CLCN7: variants seen among roughly 807,000 people sequenced by gnomAD.
The protein encoded by CLCN7 is H(+)/Cl(-) exchange transporter 7.
In CLCN7, 60 loss-of-function variants were observed where a neutral mutation model predicts 102.1. The observed-to-expected ratio is 0.59, with a 90% CI of 0.48 to 0.73. The LOEUF (loss-of-function observed/expected upper bound fraction) is 0.73. CLCN7 is among the 30% of genes least tolerant of loss of function. The pLI is 0.00. For missense variants in CLCN7, 962 were observed against 1,125.7 expected, an observed-to-expected ratio of 0.85 and a Z score of 2.08; for synonymous variants, 560 against 490.5, an observed-to-expected ratio of 1.14 and a Z score of -1.87.
At chr16:1,458,402 A>G (rs1293746784) in intron 7 of CLCN7, among the ~76,000 whole-genome samples, 1 of 152,284 alleles carries the variant, frequency 6.6e-6, no homozygotes, top group Non-Finnish European at 1.5e-5. Flanking sequence ...AAGAAGGTTC[A>G]GGCCAGCCTG....
Position 1,456,920 on chromosome 16 carries a change from G to A in CLCN7, c.822+334C>T, listed in dbSNP as rs144154180. 3.3e-5 allele frequency among the ~76,000 whole-genome samples: 5 copies of A among 152,032 alleles called. No individual in the cohort carries two copies. In the East Asian group the frequency reaches 9.7e-4, roughly 29 times the overall value. On this transcript the variant is annotated intron_variant, in intron 9 of 24. Coordinates refer to ENST00000382745, the MANE Select transcript of CLCN7 (RefSeq NM_001287.6). ...CTGGGGACTTTTTTGGGGAAAAAGT[G>A]TTCCAAAGTGTGTCTTGACAAATAA...
chr16:1,448,492 A>G lies in CLCN7; in HGVS notation c.1884-8T>C. 6.2e-7 allele frequency: 1 copy of G among 1,608,108 alleles called. No homozygotes were observed. Among genetic ancestry groups the G allele is most frequent in the East Asian group, 2.2e-5 (1 of 44,880 alleles). ...GGTGTGCTCATCACCTCCCTGCCGG[A>G]GGAGCCCGGCCACACATGCCCGTCA... On this transcript the variant is annotated splice_region_variant and splice_polypyrimidine_tract_variant and intron_variant, in intron 20 of 24. Transcript: ENST00000382745.
chr16:1,459,289 G>A (rs1022178300), intron 6 of CLCN7, 102 bp from the exon 7 acceptor site: 6 of 995,406 alleles, frequency 6.0e-6, no homozygotes, highest in Admixed American at 2.1e-5. Context: ...CAGCAGACAC[G>A]TCGGGGCCTC....
rs200682842 is a variant in CLCN7 at position 1,448,962 on chromosome 16, G to C, written c.1797+4C>G. On this transcript the variant is annotated splice_donor_region_variant and intron_variant, in intron 19 of 24. Coordinates refer to ENST00000382745, the MANE Select transcript of CLCN7 (RefSeq NM_001287.6). The stretch of plus-strand genomic sequence containing the variant: ...CAGGGTGAGGCTTCGAGGCCCTGGC[G>C]CACCTCAATGAAGACGTCGCCCACG... 11 of 1,612,298 alleles carry C rather than the reference G, an allele frequency of 6.8e-6. No homozygotes were observed. In the Admixed American group the frequency reaches 1.2e-4, roughly 17 times the overall value.
chr16:1,460,094 G>T (rs984376459), intron 6 of CLCN7, among the ~76,000 whole-genome samples: 2 of 151,884 alleles, frequency 1.3e-5, no homozygotes, highest in African/African-American at 2.4e-5. Context: ...CCCAGACACA[G>T]ATCAAGGACG....
intron 16 of CLCN7, among the ~76,000 whole-genome samples, chr16:1,450,881 G>A (rs1190183039): frequency 8.0e-6 from 1 of 125,040 alleles, no homozygotes; most frequent in Non-Finnish European, 1.8e-5. Flanking sequence ...AGGGGAAGAG[G>A]CTCTGCGGGG....
At chr16:1,465,544 C>T (rs1463251611) in intron 1 of CLCN7, among the ~76,000 whole-genome samples, 2 of 152,206 alleles carry the variant, frequency 1.3e-5, no homozygotes, top group African/African-American at 2.4e-5. Flanking sequence ...CCGGCTGCCC[C>T]TCGGCCTGTC....
chr16:1,465,344 A>G lies in CLCN7; in HGVS notation c.142-6T>C. On this transcript the variant is annotated splice_polypyrimidine_tract_variant and splice_region_variant and intron_variant, in intron 1 of 24. Coordinates refer to ENST00000382745, the MANE Select transcript of CLCN7 (RefSeq NM_001287.6). ...AAAAGCGCAGAACGTGGTGACTAAA[A>G]GCAGAAGAGAAATCATGAGGGCGCT... 1 of 1,612,668 alleles carries G rather than the reference A, an allele frequency of 6.2e-7. No homozygotes were observed. The highest frequency in any genetic ancestry group is 8.5e-7 in the Non-Finnish European group (1 of 1,179,472).
chr16:1,451,367 A>G (rs1354302793), intron 16 of CLCN7, among the ~76,000 whole-genome samples: 2 of 152,170 alleles, frequency 1.3e-5, no homozygotes, highest in African/African-American at 4.8e-5. Flanking sequence ...TACCGTAGCC[A>G]GATAATGTTG....
At chr16:1,468,631 G>A (rs935375008) in intron 1 of CLCN7, among the ~76,000 whole-genome samples, 3 of 152,168 alleles carry the variant, frequency 2.0e-5, no homozygotes, top group African/African-American at 7.2e-5. Context: ...GAACACGTGA[G>A]CCAACACTCC....
At chr16:1,465,401 C>A in intron 1 of CLCN7, 63 bp from the exon 2 acceptor site, 1 of 1,454,332 alleles carries the variant, frequency 6.9e-7, no homozygotes, top group Non-Finnish European at 9.5e-7. Context: ...CGTGGATTCT[C>A]ACTCCCGCCG....
chr16:1,447,283 G>T, intron 23 of CLCN7, 109 bp downstream of exon 23: 1 of 1,257,246 alleles, frequency 8.0e-7, no homozygotes, highest in Non-Finnish European at 1.1e-6. Flanking sequence ...CAGAGTCACC[G>T]AGTCCTCTCC....
At chr16:1,449,626 G>A (rs1398644149) in intron 17 of CLCN7, 8 of 526,418 alleles carry the variant, frequency 1.5e-5, no homozygotes, top group Non-Finnish European at 2.4e-5. Flanking sequence ...TCCAGCATGA[G>A]GAGTGAAACC....
At chr16:1,455,591 G>T in intron 11 of CLCN7, 140 bp downstream of exon 11, 1 of 919,680 alleles carries the variant, frequency 1.1e-6, no homozygotes, top group Non-Finnish European at 1.7e-6. Flanking sequence ...GCTGCTTTGG[G>T]CAGGACCAAG....
intron 1 of CLCN7, among the ~76,000 whole-genome samples, chr16:1,473,228 C>T (rs1360271896): frequency 6.6e-6 from 1 of 152,076 alleles, no homozygotes; most frequent in Non-Finnish European, 1.5e-5. Flanking sequence ...GCAGGAGGGC[C>T]CACTTCAAAG....
chr16:1,471,437 C>T (rs567872189), intron 1 of CLCN7, among the ~76,000 whole-genome samples: 1 of 152,136 alleles, frequency 6.6e-6, no homozygotes, highest in African/African-American at 2.4e-5. Flanking sequence ...TACAGTACCC[C>T]GTCTGTGGCC....
Position 1,448,962 on chromosome 16 carries a change from G to T in CLCN7, c.1797+4C>A, listed in dbSNP as rs200682842. On this transcript the variant is annotated splice_donor_region_variant and intron_variant, in intron 19 of 24. Coordinates refer to ENST00000382745, the MANE Select transcript of CLCN7 (RefSeq NM_001287.6). ...CAGGGTGAGGCTTCGAGGCCCTGGC[G>T]CACCTCAATGAAGACGTCGCCCACG... is the stretch of plus-strand genomic sequence containing the variant. 128 of 1,612,180 alleles carry T rather than the reference G, an allele frequency of 7.9e-5. No homozygotes were observed. Among genetic ancestry groups the T allele is most frequent in the Non-Finnish European group, 1.1e-4 (126 of 1,179,980 alleles).
intron 15 of CLCN7, 151 bp from the exon 16 acceptor site, chr16:1,451,867 C>T (rs1194400434): frequency 2.1e-5 from 14 of 672,770 alleles, no homozygotes; most frequent in African/African-American, 5.3e-5. Context: ...GTCAGGGCCA[C>T]GGTCACAGAG....
chr16:1,473,060 A>G (rs976125572), intron 1 of CLCN7, among the ~76,000 whole-genome samples: 1 of 134,494 alleles, frequency 7.4e-6, no homozygotes, highest in Non-Finnish European at 1.5e-5. Flanking sequence ...ATGAGCCACC[A>G]CACCTGGCCT....
Sources: allele counts gnomAD v4.1 joint callset (sites outside exome capture counted in the v4.1 genomes callset), GRCh38; gene constraint gnomAD v4.1.1; transcripts MANE v1.5; gene names NCBI Gene and HGNC (gene_info 2026-07-23, HGNC 2026-07-21).